The following APOBEC2 variants were observed in gnomAD, a reference collection of about 807,000 sequenced individuals.
APOBEC2 encodes C->U-editing enzyme APOBEC-2.
Under a neutral mutation model 19.4 loss-of-function variants are expected in APOBEC2, and 14 were observed. The observed-to-expected ratio is 0.72, with a 90% CI of 0.48 to 1.13. The LOEUF (loss-of-function observed/expected upper bound fraction) is 1.13. APOBEC2 is among the 50% of genes most tolerant of loss of function. The pLI, the probability that APOBEC2 is intolerant of heterozygous loss-of-function variation, is 0.00. For missense variants in APOBEC2, 304 were observed against 277.0 expected (o/e 1.10, Z -0.69); for synonymous variants, 127 against 112.1 (o/e 1.13, Z -0.84).
At chr6:41,059,089 G>A (rs1762842115) in intron 1 of APOBEC2, among the ~76,000 whole-genome samples, 1 of 152,214 alleles carries the variant, frequency 6.6e-6, no homozygotes, top group Non-Finnish European at 1.5e-5. Context: ...AGGGCAGAAA[G>A]AAACAGTCAC....
intron 2 of APOBEC2, among the ~76,000 whole-genome samples, chr6:41,063,717 C>A (rs1762911485): frequency 6.9e-6 from 1 of 145,966 alleles, no homozygotes; most frequent in Admixed American, 6.8e-5. Flanking sequence ...CCCAAAAGAA[C>A]AACCCTGCTT....
At position 41,062,908 on chromosome 6, in the gene APOBEC2, T is replaced by A. The variant is rs552789746; in HGVS notation, c.*21+1016T>A. Reference sequence around the variant, plus strand: ...CCCTTTGCAAGGCCCCAGTTACTGATCAAAATCTTCCAGTAATAGAGGAGG... The same window carrying A: ...CCCTTTGCAAGGCCCCAGTTACTGAACAAAATCTTCCAGTAATAGAGGAGG... On this transcript the variant is annotated intron_variant, in intron 2 of 2. Coordinates refer to ENST00000244669, the MANE Select transcript of APOBEC2 (RefSeq NM_006789.4). Among the ~76,000 whole-genome samples the A allele has an allele frequency of 1.1e-4, 17 of 152,226 alleles. No homozygotes were observed. The South Asian group carries it at 3.5e-3, about 32-fold the overall frequency.
chr6:41,064,812 C>T lies in APOBEC2; in HGVS notation c.*733C>T, dbSNP rs543494941. On this transcript the variant is annotated 3_prime_UTR_variant, in exon 3 of 3. Transcript: ENST00000244669. Reference sequence around the variant, plus strand: ...AACTAGCTTCTTTATTAGAGAGGAGCGGGTGAAAAGTAGTAGTTTAATGTT... The same window carrying T: ...AACTAGCTTCTTTATTAGAGAGGAGTGGGTGAAAAGTAGTAGTTTAATGTT... 2.0e-5 allele frequency: 3 copies of T among 152,036 alleles called. No individual in the cohort carries two copies. Among genetic ancestry groups the T allele is most frequent in the African/African-American group, 7.2e-5 (3 of 41,448 alleles). 9.4% of individuals were successfully genotyped at this position (152,036 alleles called of 1,614,324 possible).
In APOBEC2 at chr6:41,061,406, C is replaced by A. The variant is rs753760502; in HGVS notation, c.210C>A (p.Leu70=). 1 of 1,604,516 alleles carries A rather than the reference C, an allele frequency of 6.2e-7. No homozygotes were observed. Among genetic ancestry groups the A allele is most frequent in the Non-Finnish European group, 8.5e-7 (1 of 1,175,654 alleles). Residue 70 remains leucine, a synonymous_variant, in exon 2 of 3, where the codon CTC becomes CTA. Coordinates refer to ENST00000244669, the MANE Select transcript of APOBEC2 (RefSeq NM_006789.4). ...GTTCCGGGAGGAACAAGACCTTCCT[C>A]TGCTATGTGGTTGAAGCACAGGGCA... ...EYSSGRNKTF[L]CYVVEAQGKG...
rs1207837990 is a variant in APOBEC2, at chr6:41,053,425, C to G, written c.78C>G (p.Asp26Glu). 1 of 1,614,190 alleles carries G rather than the reference C, an allele frequency of 6.2e-7. No individual in the cohort carries two copies. The highest frequency in any genetic ancestry group is 1.1e-5 in the South Asian group (1 of 91,086). The change falls in exon 1 of 3, where the codon GAC becomes GAG. Residue 26 changes from aspartate (D) to glutamate (E), a missense_variant. Asp to Glu is a conservative substitution (Grantham distance 45). Coordinates refer to ENST00000244669, the MANE Select transcript of APOBEC2 (RefSeq NM_006789.4). Reference protein sequence around the residue: ...QNGEDLENLDDPEKLKELIEL... With the variant: ...QNGEDLENLDEPEKLKELIEL... ...GGGAGGATCTGGAGAACCTGGACGACCCTGAGAAGCTGAAAGAGCTGATTG... is the reference window on the plus strand; with the variant it reads ...GGGAGGATCTGGAGAACCTGGACGAGCCTGAGAAGCTGAAAGAGCTGATTG...
At chr6:41,056,816 C>T (rs1271373490) in intron 1 of APOBEC2, among the ~76,000 whole-genome samples, 1 of 152,138 alleles carries the variant, frequency 6.6e-6, no homozygotes, top group Non-Finnish European at 1.5e-5. Context: ...TCAGACAAGA[C>T]AGGGAATGAA....
intron 1 of APOBEC2, among the ~76,000 whole-genome samples, chr6:41,054,887 C>A (rs1053000846): frequency 6.6e-6 from 1 of 152,202 alleles, no homozygotes; most frequent in Non-Finnish European, 1.5e-5. Context: ...GGCTTTCCAA[C>A]ACAGAGGGAG....
chr6:41,062,568 T>C (rs796718003), intron 2 of APOBEC2, among the ~76,000 whole-genome samples: 4 of 152,324 alleles, frequency 2.6e-5, no homozygotes, highest in African/African-American at 9.6e-5. Context: ...GGATGTCGAA[T>C]GCAGGAATGG....
Position 41,064,617 on chromosome 6 carries a change from G to A in APOBEC2, c.*538G>A, listed in dbSNP as rs1206892416. The A allele has an allele frequency of 2.0e-5, 3 of 152,198 alleles. No homozygotes were observed. Among genetic ancestry groups the A allele is most frequent in the African/African-American group, 7.2e-5 (3 of 41,444 alleles). 9.4% of individuals were successfully genotyped at this position (152,198 alleles called of 1,614,324 possible). A position where few individuals can be genotyped will look rare whatever the true frequency, so the allele number is the denominator to read the frequency against. On this transcript the variant is annotated 3_prime_UTR_variant, in exon 3 of 3. Coordinates refer to ENST00000244669, the MANE Select transcript of APOBEC2 (RefSeq NM_006789.4). ...CACTCCAGGCTATGAACCAAGCCAT[G>A]GTTAAACCAAGACTTGCCTAGACAA...
chr6:41,053,547 T>C lies in APOBEC2; in HGVS notation c.131+69T>C, dbSNP rs371331387. The C allele has an allele frequency of 3.8e-6, 6 of 1,589,558 alleles. No individual in the cohort carries two copies. The African/African-American group carries it at 5.4e-5, about 14-fold the overall frequency. Reference sequence around the variant, plus strand: ...GCAGCCTTGGGTTAGGCTGTGGAAATTCAGGATGGTTATATTAGGCGTCAG... The same window carrying C: ...GCAGCCTTGGGTTAGGCTGTGGAAACTCAGGATGGTTATATTAGGCGTCAG... On this transcript the variant is annotated intron_variant, in intron 1 of 2. Transcript: ENST00000244669.
intron 1 of APOBEC2, among the ~76,000 whole-genome samples, chr6:41,053,962 G>A (rs1462811763): frequency 6.6e-6 from 1 of 152,202 alleles, no homozygotes; most frequent in Admixed American, 6.5e-5. Context: ...ATGCTCCCAA[G>A]ACAGGAAAGA....
intron 1 of APOBEC2, among the ~76,000 whole-genome samples, chr6:41,056,732 A>G (rs1267750267): frequency 6.6e-6 from 1 of 152,214 alleles, no homozygotes; most frequent in African/African-American, 2.4e-5. Flanking sequence ...CCTGATAGGT[A>G]CTCAATACGT....
chr6:41,056,632 T>C lies in APOBEC2; in HGVS notation c.131+3154T>C, dbSNP rs367749413. ...TTTTATATTTACTGAATAAGAGTTT[T>C]TCATTTACTGCCTGTTTCCCCTGTT... On this transcript the variant is annotated intron_variant, in intron 1 of 2. Coordinates refer to ENST00000244669, the MANE Select transcript of APOBEC2 (RefSeq NM_006789.4). Among the ~76,000 whole-genome samples the C allele has an allele frequency of 8.5e-5, 13 of 152,244 alleles. No homozygotes were observed. The East Asian group carries it at 1.9e-3, about 23-fold the overall frequency.
In APOBEC2 at chr6:41,061,839, T is replaced by C. The variant is rs374264492; in HGVS notation, c.643T>C (p.Tyr215His). 6.2e-7 allele frequency: 1 copy of C among 1,613,866 alleles called. No individual in the cohort carries two copies. Among genetic ancestry groups the C allele is most frequent in the South Asian group, 1.1e-5 (1 of 91,068 alleles). The change falls in exon 2 of 3, where the codon TAC becomes CAC. Residue 215 changes from tyrosine (Y) to histidine (H), a missense_variant. Physicochemically the swap from Tyr to His is moderately conservative, Grantham distance 83. Coordinates refer to ENST00000244669, the MANE Select transcript of APOBEC2 (RefSeq NM_006789.4). ...GGACATTCAGGAGAACTTCCTATACTACGAGGAGAAGTTGGCAGACATCCT... is the reference window on the plus strand; with the variant it reads ...GGACATTCAGGAGAACTTCCTATACCACGAGGAGAAGTTGGCAGACATCCT... ...WEDIQENFLYYEEKLADILK is the reference protein window; with the variant it reads ...WEDIQENFLYHEEKLADILK
At chr6:41,062,650 G>A (rs960961403) in intron 2 of APOBEC2, among the ~76,000 whole-genome samples, 3 of 152,218 alleles carry the variant, frequency 2.0e-5, no homozygotes, top group African/African-American at 7.2e-5. Context: ...AAAGTAGGCA[G>A]CAGCTCAGAA....
intron 1 of APOBEC2, among the ~76,000 whole-genome samples, chr6:41,053,790 G>C (rs912724823): frequency 6.6e-6 from 1 of 152,192 alleles, no homozygotes; most frequent in Non-Finnish European, 1.5e-5. Context: ...CTGGGTAGAA[G>C]CTTAGTCCCA....
chr6:41,055,036 A>C (rs1205410786), intron 1 of APOBEC2, among the ~76,000 whole-genome samples: 1 of 152,218 alleles, frequency 6.6e-6, no homozygotes, highest in Non-Finnish European at 1.5e-5. Flanking sequence ...ACATAGTTTC[A>C]TGAACATGAG....
intron 2 of APOBEC2, among the ~76,000 whole-genome samples, chr6:41,063,799 CTTT>C (rs568383618): frequency 3.7e-5 from 5 of 136,314 alleles, no homozygotes; most frequent in African/African-American, 8.0e-5. Flanking sequence ...TTTCATCTTT[CTTT>C]TTTTTTTTTT....
chr6:41,057,450 A>C (rs1762810549), intron 1 of APOBEC2, among the ~76,000 whole-genome samples: 1 of 152,146 alleles, frequency 6.6e-6, no homozygotes, highest in Admixed American at 6.5e-5. Context: ...CTTGGGCAAA[A>C]TCCCATCCAG....
Sources: allele counts gnomAD v4.1 joint callset (sites outside exome capture counted in the v4.1 genomes callset), GRCh38; gene constraint gnomAD v4.1.1; transcripts MANE v1.5; gene names NCBI Gene and HGNC (gene_info 2026-07-23, HGNC 2026-07-21).